RABGAP1L: variants seen among roughly 807,000 people sequenced by gnomAD.
The protein encoded by RABGAP1L is RAB GTPase activating protein 1 like, also known as rab GTPase-activating protein 1-like.
RABGAP1L carries 63 observed loss-of-function variants against 137.7 expected under a neutral mutation model. The ratio of observed to expected loss-of-function variants is 0.46; its 90% CI spans 0.37 to 0.56. The LOEUF (loss-of-function observed/expected upper bound fraction) is 0.56. RABGAP1L is among the 20% of genes least tolerant of loss of function. The pLI is 0.00. For synonymous variants in RABGAP1L, 431 were observed against 433.7 expected (o/e 0.99, Z 0.08); for missense variants, 1,095 against 1,244.0 (o/e 0.88, Z 1.80).
chr1:174,244,000 G>T (rs1204183933), intron 5 of RABGAP1L, among the ~76,000 whole-genome samples: 1 of 152,148 alleles, frequency 6.6e-6, no homozygotes, highest in South Asian at 2.1e-4. Flanking sequence ...TTTACGTTTT[G>T]TATTTTACCT....
chr1:174,530,975 A>C (rs1664350484), intron 13 of RABGAP1L, among the ~76,000 whole-genome samples: 1 of 152,176 alleles, frequency 6.6e-6, no homozygotes, highest in Non-Finnish European at 1.5e-5. Flanking sequence ...CAGTACAGAG[A>C]GATAGGAAAT....
At chr1:174,676,111 C>T (rs1233611435) in intron 14 of RABGAP1L, among the ~76,000 whole-genome samples, 2 of 152,068 alleles carry the variant, frequency 1.3e-5, no homozygotes, top group African/African-American at 4.8e-5. Context: ...TAATTTAGGG[C>T]ATGGGGTATT....
At chr1:174,244,995 ACTTATT>A (rs764101576) in intron 5 of RABGAP1L, 3 of 152,322 alleles carry the variant, frequency 2.0e-5, no homozygotes, top group South Asian at 2.1e-4. Context: ...TTGGGAAGAT[ACTTATT>A]CTTATTGCAT....
intron 11 of RABGAP1L, among the ~76,000 whole-genome samples, chr1:174,311,069 C>T (rs2148794707): frequency 6.6e-6 from 1 of 152,162 alleles, no homozygotes; most frequent in South Asian, 2.1e-4. Flanking sequence ...TATTCCCAGC[C>T]CCTGGTAACC....
chr1:174,550,983 C>CATATATATATACAT lies in RABGAP1L; in HGVS notation c.1711-86381_1711-86380insCATATATATATATA, dbSNP rs1422356201. On this transcript the variant is annotated intron_variant, in intron 13 of 25. Coordinates refer to ENST00000681986, the MANE Select transcript of RABGAP1L (RefSeq NM_001366446.1). ...ACACATATATATACATGTATATATA[C>CATATATATATACAT]ATATATATATATACACATATATATA... Among the ~76,000 whole-genome samples the CATATATATATACAT allele has an allele frequency of 9.0e-3, 753 of 83,408 alleles. 31 individuals carry two copies. Among genetic ancestry groups the CATATATATATACAT allele is most frequent in the South Asian group, 0.019 (57 of 2,988 alleles). 54.7% of individuals were successfully genotyped at this position (83,408 alleles called of 152,430 possible).
intron 1 of RABGAP1L, among the ~76,000 whole-genome samples, chr1:174,210,812 C>T (rs1343727852): frequency 6.6e-6 from 1 of 151,930 alleles, no homozygotes; most frequent in African/African-American, 2.4e-5. Flanking sequence ...ATCAGACTTC[C>T]AAAGGTCAAG....
chr1:174,831,827 T>C (rs1257489288), intron 19 of RABGAP1L, among the ~76,000 whole-genome samples: 1 of 148,052 alleles, frequency 6.8e-6, no homozygotes, highest in Non-Finnish European at 1.5e-5. Flanking sequence ...AGATCCAAAT[T>C]CTAGTGACTT....
At chr1:174,653,694 G>C (rs1029514110) in intron 14 of RABGAP1L, among the ~76,000 whole-genome samples, 1 of 152,188 alleles carries the variant, frequency 6.6e-6, no homozygotes, top group Non-Finnish European at 1.5e-5. Context: ...GCTGCAGACT[G>C]GAGCTGTTTC....
intron 19 of RABGAP1L, among the ~76,000 whole-genome samples, chr1:174,859,524 A>G (rs111653455): frequency 0.02 from 3,082 of 151,770 alleles, 47 homozygotes; most frequent in Middle Eastern, 0.048. Context: ...ATGGAATGCT[A>G]TACAGCCATA....
chr1:174,440,296 C>T (rs568289922), intron 13 of RABGAP1L, among the ~76,000 whole-genome samples: 5 of 152,242 alleles, frequency 3.3e-5, no homozygotes, highest in African/African-American at 4.8e-5. Context: ...AGAAGCAACG[C>T]GATCTGGTTT....
chr1:174,677,558 T>A (rs1005071068), intron 14 of RABGAP1L, among the ~76,000 whole-genome samples: 5 of 152,200 alleles, frequency 3.3e-5, no homozygotes, highest in African/African-American at 1.2e-4. Flanking sequence ...TCCACAGTGG[T>A]CCTAGTTTCG....
At chr1:174,548,664 A>G (rs1270662576) in intron 13 of RABGAP1L, 2 of 692,614 alleles carry the variant, frequency 2.9e-6, no homozygotes, top group Non-Finnish European at 3.6e-6. Flanking sequence ...GGTTCCCCTC[A>G]TTTTGCTTAA....
rs747671420 is a variant in RABGAP1L, at chr1:174,664,730, C to CTTTTTTT, written c.1825-18789_1825-18788insTTTTTTT. ...CTCTCTCTTTCTTTCTTTCTTTCTG[C>CTTTTTTT]TTTCTTTTTTTTTTTTTTTTTTTTT... On this transcript the variant is annotated intron_variant, in intron 14 of 25. Transcript: ENST00000681986. Among the ~76,000 whole-genome samples, 305 of 98,838 alleles carry CTTTTTTT rather than the reference C, an allele frequency of 3.1e-3. 21 individuals are homozygous for CTTTTTTT. Among genetic ancestry groups the CTTTTTTT allele is most frequent in the African/African-American group, 3.9e-3 (61 of 15,662 alleles). The allele number at this position is 98,838 out of a possible 152,430, so 64.8% of individuals were successfully genotyped here.
At chr1:174,410,806 A>G (rs1649837064) in intron 13 of RABGAP1L, among the ~76,000 whole-genome samples, 1 of 152,182 alleles carries the variant, frequency 6.6e-6, no homozygotes, top group African/African-American at 2.4e-5. Context: ...TAGAAATAGC[A>G]TTCAATCTCT....
intron 19 of RABGAP1L, among the ~76,000 whole-genome samples, chr1:174,857,976 ACTC>A (rs1399262066): frequency 6.6e-6 from 1 of 151,566 alleles, no homozygotes; most frequent in Non-Finnish European, 1.5e-5. Flanking sequence ...GTGAAAAACA[ACTC>A]CTCTCTATAA....
intron 13 of RABGAP1L, among the ~76,000 whole-genome samples, chr1:174,618,710 A>G (rs1380198006): frequency 1.3e-5 from 2 of 152,176 alleles, no homozygotes; most frequent in East Asian, 3.9e-4. Flanking sequence ...AGCAGAAAAA[A>G]TGGAAACTCT....
At chr1:174,589,607 C>G (rs1669394935) in intron 13 of RABGAP1L, among the ~76,000 whole-genome samples, 1 of 152,112 alleles carries the variant, frequency 6.6e-6, no homozygotes, top group South Asian at 2.1e-4. Flanking sequence ...AGATTTAAGC[C>G]TTTAGTCCAC....
intron 19 of RABGAP1L, among the ~76,000 whole-genome samples, chr1:174,838,645 A>G (rs544635174): frequency 1.3e-5 from 2 of 152,262 alleles, no homozygotes; most frequent in Non-Finnish European, 2.9e-5. Context: ...CAAAAATGAC[A>G]TGGGCCGGGC....
chr1:174,388,700 T>TA (rs1203310306), intron 12 of RABGAP1L, among the ~76,000 whole-genome samples: 1 of 152,098 alleles, frequency 6.6e-6, no homozygotes, highest in Non-Finnish European at 1.5e-5. Context: ...TAAAAAAGTT[T>TA]AAAGACAAAA....
Sources: gnomAD v4.1 joint callset for allele counts (sites outside exome capture counted in the v4.1 genomes callset) on GRCh38, gnomAD v4.1.1 for gene constraint, MANE v1.5 for transcripts, NCBI Gene and HGNC (gene_info 2026-07-23, HGNC 2026-07-21) for gene names.